The following UBE2W variants were observed in gnomAD, a reference collection of about 807,000 sequenced individuals.
UBE2W encodes the protein ubiquitin-conjugating enzyme E2 W.
In UBE2W, 18 loss-of-function variants were observed where a neutral mutation model predicts 27.2. That is an observed-to-expected ratio of 0.66 (90% confidence interval 0.46 to 0.98). UBE2W has a LOEUF of 0.98. Ranked by LOEUF, UBE2W falls within the 50% of genes least tolerant of loss-of-function variation. The pLI is 0.00. For missense variants in UBE2W, 90 were observed against 180.2 expected (o/e 0.50, Z 2.87); for synonymous variants, 53 against 57.2 (o/e 0.93, Z 0.33).
chr8:73,865,414 A>G (rs1447878484), intron 1 of UBE2W, among the ~76,000 whole-genome samples: 4 of 152,090 alleles, frequency 2.6e-5, no homozygotes, highest in African/African-American at 9.7e-5. Flanking sequence ...AGAGTTCAAG[A>G]CCAGCCTAGG....
intron 1 of UBE2W, among the ~76,000 whole-genome samples, chr8:73,841,659 C>T (rs1051057819): frequency 2.0e-5 from 3 of 152,150 alleles, no homozygotes; most frequent in Admixed American, 2.0e-4. Flanking sequence ...ACTAACCAGA[C>T]TTTCTTTTCC....
intron 1 of UBE2W, among the ~76,000 whole-genome samples, chr8:73,873,313 G>GT (rs1415615348): frequency 6.6e-6 from 1 of 152,166 alleles, no homozygotes; most frequent in East Asian, 1.9e-4. Context: ...AGTAATGTCT[G>GT]TAAGAGTCCA....
At chr8:73,867,840 C>T (rs1811844797) in intron 1 of UBE2W, among the ~76,000 whole-genome samples, 1 of 152,012 alleles carries the variant, frequency 6.6e-6, no homozygotes, top group Admixed American at 6.6e-5. Context: ...ACCAAAACCA[C>T]AATGAGATGC....
chr8:73,865,957 A>G (rs1811736866), intron 1 of UBE2W, among the ~76,000 whole-genome samples: 1 of 152,108 alleles, frequency 6.6e-6, no homozygotes, highest in African/African-American at 2.4e-5. Flanking sequence ...TTTTAATTAC[A>G]ATAAAGGCTT....
intron 5 of UBE2W, among the ~76,000 whole-genome samples, chr8:73,804,925 G>T (rs1005615225): frequency 7.9e-5 from 12 of 151,794 alleles, no homozygotes; most frequent in African/African-American, 1.2e-4. Context: ...GTTTCACCAT[G>T]TTGACCAAGC....
At chr8:73,820,833 C>T (rs1397196071) in intron 3 of UBE2W, among the ~76,000 whole-genome samples, 1 of 151,964 alleles carries the variant, frequency 6.6e-6, no homozygotes, top group African/African-American at 2.4e-5. Flanking sequence ...TGGCTGTAGT[C>T]CCTGCTACTC....
chr8:73,782,337 A>C (rs1042665265), downstream of UBE2W, among the ~76,000 whole-genome samples: 2 of 152,048 alleles, frequency 1.3e-5, no homozygotes, highest in Admixed American at 1.3e-4. Context: ...CCTCTGTGAA[A>C]CCAAGACAAT....
At chr8:73,865,280 GA>G (rs1811707330) in intron 1 of UBE2W, among the ~76,000 whole-genome samples, 1 of 148,542 alleles carries the variant, frequency 6.7e-6, no homozygotes, top group South Asian at 2.2e-4. Context: ...TGGAACTCAT[GA>G]ATAATGAAGC....
intron 2 of UBE2W, among the ~76,000 whole-genome samples, chr8:73,829,565 T>C (rs767548590): frequency 9.9e-6 from 1 of 101,168 alleles, no homozygotes; most frequent in Admixed American, 1.3e-4. Flanking sequence ...GAGTTAAAGA[T>C]GTGTATTACA....
intron 1 of UBE2W, among the ~76,000 whole-genome samples, chr8:73,852,561 A>C (rs1044283219): frequency 6.6e-6 from 1 of 152,202 alleles, no homozygotes; most frequent in Admixed American, 6.5e-5. Context: ...ATTTAAGCCA[A>C]CCATTTTTAT....
In UBE2W at chr8:73,792,177, C is replaced by T; in HGVS notation, c.*1925G>A. 7.1e-6 allele frequency: 7 copies of T among 985,496 alleles called. No homozygotes were observed. The highest frequency in any genetic ancestry group is 7.2e-6 in the Non-Finnish European group (6 of 829,810). The allele number at this position is 985,496 out of a possible 1,614,324, so 61.0% of individuals were successfully genotyped here. A position where few individuals can be genotyped will look rare whatever the true frequency, so the allele number is the denominator to read the frequency against. On this transcript the variant is annotated 3_prime_UTR_variant, in exon 6 of 6. Coordinates refer to ENST00000602593, the MANE Select transcript of UBE2W (RefSeq NM_018299.6). ...AAGCAGTTTAAAACTATGAGTAATT[C>T]AAAGACTTTCTGTCTTGGTTAAACA...
Position 73,787,377 on chromosome 8 carries a change from T to C in UBE2W, c.*6725A>G, listed in dbSNP as rs1011873790. 6.1e-6 allele frequency: 6 copies of C among 985,224 alleles called. No homozygotes were observed. In the African/African-American group the frequency reaches 8.7e-5, roughly 14 times the overall value. The allele number at this position is 985,224 out of a possible 1,614,324, so 61.0% of individuals were successfully genotyped here. A position where few individuals can be genotyped will look rare whatever the true frequency, so the allele number is the denominator to read the frequency against. ...ACTTATCCAGGGTAGCTTAAACTAA[T>C]GGAGAAAAGTCAAATCCTACTATGG... On this transcript the variant is annotated 3_prime_UTR_variant, in exon 6 of 6. Transcript: ENST00000602593.
chr8:73,796,668 G>C, intron 5 of UBE2W: 1 of 984,882 alleles, frequency 1.0e-6, no homozygotes, highest in South Asian at 4.7e-5. Flanking sequence ...ACAGGGACTT[G>C]CGGGACTACG....
chr8:73,798,241 G>A (rs988113210), intron 5 of UBE2W, among the ~76,000 whole-genome samples: 1 of 152,176 alleles, frequency 6.6e-6, no homozygotes, highest in Non-Finnish European at 1.5e-5. Context: ...AGGCTGCAAT[G>A]AGCCATGATC....
At chr8:73,841,342 C>T (rs1810527988) in intron 1 of UBE2W, among the ~76,000 whole-genome samples, 1 of 152,044 alleles carries the variant, frequency 6.6e-6, no homozygotes, top group African/African-American at 2.4e-5. Context: ...AAGCATTTTC[C>T]CTCCTACTGA....
intron 1 of UBE2W, among the ~76,000 whole-genome samples, chr8:73,840,587 G>T (rs1166885764): frequency 6.6e-6 from 1 of 152,188 alleles, no homozygotes; most frequent in East Asian, 1.9e-4. Context: ...TTACTTTCCA[G>T]TGAGGGAAGA....
intron 1 of UBE2W, among the ~76,000 whole-genome samples, chr8:73,849,560 C>A: frequency 1.7e-5 from 2 of 116,694 alleles, no homozygotes; most frequent in African/African-American, 6.3e-5. Context: ...AACTTCCAAA[C>A]TAGTAGAGGT....
chr8:73,860,954 A>C (rs969127486), intron 1 of UBE2W, among the ~76,000 whole-genome samples: 1 of 152,004 alleles, frequency 6.6e-6, no homozygotes, highest in Non-Finnish European at 1.5e-5. Context: ...GCAACATTAC[A>C]AAAAATTTTA....
At chr8:73,874,505 TGAGAA>T (rs765486357) in intron 1 of UBE2W, among the ~76,000 whole-genome samples, 3 of 152,198 alleles carry the variant, frequency 2.0e-5, no homozygotes, top group Non-Finnish European at 4.4e-5. Flanking sequence ...AGGATTCACC[TGAGAA>T]AAGAATACCT....
Sources: gnomAD v4.1 joint callset for allele counts (sites outside exome capture counted in the v4.1 genomes callset) on GRCh38, gnomAD v4.1.1 for gene constraint, MANE v1.5 for transcripts, NCBI Gene and HGNC (gene_info 2026-07-23, HGNC 2026-07-21) for gene names.